Variants in CHST9 observed in about 807,000 individuals in gnomAD.
The protein encoded by CHST9 is carbohydrate sulfotransferase 9.
CHST9 carries 41 observed loss-of-function variants against 44.4 expected under a neutral mutation model. That is an observed-to-expected ratio of 0.92 (90% confidence interval 0.72 to 1.20). CHST9 has a LOEUF of 1.20. CHST9 is among the 50% of genes most tolerant of loss of function. The probability of loss-of-function intolerance (pLI) is 0.00; values close to 1 mark genes in which losing one functional copy is unlikely to be tolerated. For synonymous variants in CHST9, 171 were observed against 178.4 expected, an observed-to-expected ratio of 0.96 and a Z score of 0.33; for missense variants, 504 against 516.5, an observed-to-expected ratio of 0.98 and a Z score of 0.23.
At chr18:27,106,694 GTA>G (rs2058224109) in intron 2 of CHST9, among the ~76,000 whole-genome samples, 1 of 152,106 alleles carries the variant, frequency 6.6e-6, no homozygotes, top group Non-Finnish European at 1.5e-5. Context: ...TTGCTTATTT[GTA>G]TAACACATCC....
intron 5 of CHST9, among the ~76,000 whole-genome samples, chr18:26,941,142 G>A (rs2056076348): frequency 6.6e-6 from 1 of 152,190 alleles, no homozygotes; most frequent in Non-Finnish European, 1.5e-5. Context: ...CCTAGGGACC[G>A]AATACAGAGC....
intron 1 of CHST9, among the ~76,000 whole-genome samples, chr18:27,182,278 C>T (rs1329141892): frequency 6.6e-6 from 1 of 151,984 alleles, no homozygotes; most frequent in Non-Finnish European, 1.5e-5. Context: ...TTAAAGGCAA[C>T]TTTACTTTCA....
chr18:27,156,990 T>G (rs908118539), intron 1 of CHST9, among the ~76,000 whole-genome samples: 1 of 152,136 alleles, frequency 6.6e-6, no homozygotes, highest in African/African-American at 2.4e-5. Context: ...TTGGTTATTA[T>G]CTAGATAAAA....
chr18:27,088,087 T>C (rs1325636254), intron 2 of CHST9, among the ~76,000 whole-genome samples: 2 of 152,212 alleles, frequency 1.3e-5, no homozygotes, highest in Non-Finnish European at 2.9e-5. Context: ...TTTATATTAG[T>C]GATAATTATC....
intron 1 of CHST9, among the ~76,000 whole-genome samples, chr18:27,146,061 A>G (rs955010532): frequency 3.3e-5 from 5 of 152,226 alleles, no homozygotes; most frequent in African/African-American, 4.8e-5. Context: ...AGAAAAGGCT[A>G]GAAGAAAACT....
At chr18:27,037,503 A>G (rs2057401796) in intron 3 of CHST9, among the ~76,000 whole-genome samples, 1 of 152,208 alleles carries the variant, frequency 6.6e-6, no homozygotes, top group African/African-American at 2.4e-5. Context: ...CATCCTGGGC[A>G]ACATAGTGAG....
chr18:26,934,533 C>T (rs1052375877), intron 5 of CHST9: 1 of 152,240 alleles, frequency 6.6e-6, no homozygotes, highest in Non-Finnish European at 1.5e-5. Context: ...CGCGCCCGGC[C>T]GTAGTTTACA....
At chr18:27,072,518 A>G (rs1320553209) in intron 2 of CHST9, among the ~76,000 whole-genome samples, 1 of 152,148 alleles carries the variant, frequency 6.6e-6, no homozygotes, top group African/African-American at 2.4e-5. Flanking sequence ...GATGTGCCAG[A>G]GGTCGAAGTT....
intron 4 of CHST9, among the ~76,000 whole-genome samples, chr18:26,994,071 C>A (rs1047184785): frequency 1.3e-5 from 2 of 152,102 alleles, no homozygotes; most frequent in Admixed American, 6.5e-5. Flanking sequence ...GAATGACTGT[C>A]AGAATGGATG....
At chr18:27,023,771 T>C (rs920510586) in intron 4 of CHST9, among the ~76,000 whole-genome samples, 1 of 152,234 alleles carries the variant, frequency 6.6e-6, no homozygotes, top group Non-Finnish European at 1.5e-5. Flanking sequence ...CAGTGCAATG[T>C]GCCAGGAAAG....
At chr18:27,149,526 T>C (rs998325633) in intron 1 of CHST9, among the ~76,000 whole-genome samples, 1 of 151,990 alleles carries the variant, frequency 6.6e-6, no homozygotes, top group Non-Finnish European at 1.5e-5. Flanking sequence ...GTCTTTATGA[T>C]AGAGTGATTT....
chr18:27,175,859 G>T (rs887636187), intron 1 of CHST9, among the ~76,000 whole-genome samples: 1 of 151,982 alleles, frequency 6.6e-6, no homozygotes, highest in Non-Finnish European at 1.5e-5. Context: ...AAATAAATGT[G>T]AATTTGCAAC....
intron 2 of CHST9, among the ~76,000 whole-genome samples, chr18:27,130,045 A>G (rs559818677): frequency 2.8e-4 from 42 of 152,278 alleles, no homozygotes; most frequent in African/African-American, 9.9e-4. Flanking sequence ...TGGAAAAACA[A>G]TTAGCAGGAA....
At chr18:26,954,590 T>C (rs190957293) in intron 4 of CHST9, among the ~76,000 whole-genome samples, 46 of 152,296 alleles carry the variant, frequency 3.0e-4, no homozygotes, top group African/African-American at 8.7e-4. Context: ...TGGTCCTTTT[T>C]GGCCTCTTGT....
intron 1 of CHST9, among the ~76,000 whole-genome samples, chr18:27,161,049 T>A (rs1167112471): frequency 1.3e-5 from 2 of 152,166 alleles, no homozygotes; most frequent in Non-Finnish European, 2.9e-5. Flanking sequence ...TGTTGATCTT[T>A]TCAAAAAACC....
At chr18:27,066,523 C>T (rs1262801370) in intron 2 of CHST9, among the ~76,000 whole-genome samples, 2 of 152,084 alleles carry the variant, frequency 1.3e-5, no homozygotes, top group African/African-American at 2.4e-5. Context: ...TATTCCTAGC[C>T]TCAAGCAATC....
intron 2 of CHST9, among the ~76,000 whole-genome samples, chr18:27,097,576 C>G (rs1433074012): frequency 6.6e-6 from 1 of 151,960 alleles, no homozygotes; most frequent in Non-Finnish European, 1.5e-5. Context: ...TATAAAAGTT[C>G]TTTAGTTTGA....
intron 4 of CHST9, among the ~76,000 whole-genome samples, chr18:26,967,128 C>CA (rs1423346243): frequency 1.3e-5 from 2 of 151,994 alleles, no homozygotes; most frequent in Non-Finnish European, 2.9e-5. Context: ...AAGACGTTTC[C>CA]AATACTGAGA....
At chr18:26,945,155 CCTT>C (rs2056143893) in intron 4 of CHST9, among the ~76,000 whole-genome samples, 2 of 152,014 alleles carry the variant, frequency 1.3e-5, no homozygotes, top group South Asian at 2.1e-4. Flanking sequence ...TTTGTGAACA[CCTT>C]AGTGTGTTAC....
Sources: allele counts gnomAD v4.1 joint callset (sites outside exome capture counted in the v4.1 genomes callset), GRCh38; gene constraint gnomAD v4.1.1; transcripts MANE v1.5; gene names NCBI Gene and HGNC (gene_info 2026-07-23, HGNC 2026-07-21).